LCLAT1: variants seen among roughly 807,000 people sequenced by gnomAD.
The protein encoded by LCLAT1 is 1-AGP acyltransferase 8.
Under a neutral mutation model 30.7 loss-of-function variants are expected in LCLAT1, and 11 were observed. The ratio of observed to expected loss-of-function variants is 0.36; its 90% CI spans 0.23 to 0.59. The LOEUF is 0.59. LCLAT1 is among the 20% of genes least tolerant of loss of function. The pLI, the probability that LCLAT1 is intolerant of heterozygous loss-of-function variation, is 0.77. For synonymous variants in LCLAT1, 155 were observed against 151.3 expected (o/e 1.02, Z -0.18); for missense variants, 402 against 458.6 (o/e 0.88, Z 1.13).
Position 30,641,854 on chromosome 2 carries a change from GTGT to G in LCLAT1, c.*1239_*1241del, listed in dbSNP as rs1669323028. The G allele has an allele frequency of 6.6e-6, 1 of 150,420 alleles. No individual in the cohort carries two copies. Among genetic ancestry groups the G allele is most frequent in the South Asian group, 2.1e-4 (1 of 4,764 alleles). The allele number at this position is 150,420 out of a possible 1,614,324, so 9.3% of individuals were successfully genotyped here. On this transcript the variant is annotated 3_prime_UTR_variant, in exon 6 of 6. Transcript: ENST00000379509. Reference sequence around the variant, plus strand: ...AGTCTTCTTCTGAGGCAAAAGAAAAGTGTTGTCATTTTCACTCTGTTGGAGCTG... The same window carrying G: ...AGTCTTCTTCTGAGGCAAAAGAAAAGTGTCATTTTCACTCTGTTGGAGCTG...
Position 30,456,184 on chromosome 2 carries a change from A to G in LCLAT1, c.-5+8801A>G, listed in dbSNP as rs567163885. Among the ~76,000 whole-genome samples the G allele has an allele frequency of 3.3e-5, 5 of 152,306 alleles. No individual in the cohort carries two copies. The South Asian group carries it at 8.3e-4, about 25-fold the overall frequency. Reference sequence around the variant, plus strand: ...ACACAAAGTGGGTGTCCTCATTACTACTGGGCAAGTGTGGGAGTGTCAGCC... The same window carrying G: ...ACACAAAGTGGGTGTCCTCATTACTGCTGGGCAAGTGTGGGAGTGTCAGCC... On this transcript the variant is annotated intron_variant, in intron 1 of 5. Coordinates refer to ENST00000379509, the MANE Select transcript of LCLAT1 (RefSeq NM_001002257.3).
chr2:30,500,716 T>G (rs909237614), intron 1 of LCLAT1, among the ~76,000 whole-genome samples: 1 of 152,210 alleles, frequency 6.6e-6, no homozygotes, highest in African/African-American at 2.4e-5. Context: ...TTAAATATTT[T>G]CATCATTTTG....
chr2:30,534,947 T>C (rs1572586456), intron 3 of LCLAT1, among the ~76,000 whole-genome samples: 1 of 152,156 alleles, frequency 6.6e-6, no homozygotes, highest in Non-Finnish European at 1.5e-5. Context: ...ACATGAGATA[T>C]ACTAACAGGA....
At chr2:30,525,105 G>GT (rs1685646035) in intron 1 of LCLAT1, among the ~76,000 whole-genome samples, 1 of 152,050 alleles carries the variant, frequency 6.6e-6, no homozygotes, top group Non-Finnish European at 1.5e-5. Context: ...TCTGTTGAGA[G>GT]TATCAGTTTC....
chr2:30,481,011 G>C (rs980374849), intron 1 of LCLAT1, among the ~76,000 whole-genome samples: 1 of 152,150 alleles, frequency 6.6e-6, no homozygotes, highest in Non-Finnish European at 1.5e-5. Context: ...GTCAGCCTTA[G>C]AGCTTGTTTA....
At chr2:30,507,921 G>A (rs2148353146) in intron 1 of LCLAT1, among the ~76,000 whole-genome samples, 1 of 152,246 alleles carries the variant, frequency 6.6e-6, no homozygotes, top group East Asian at 1.9e-4. Flanking sequence ...TAGCATATAA[G>A]CATTCATTTT....
chr2:30,540,719 C>G (rs896473635), intron 3 of LCLAT1, among the ~76,000 whole-genome samples: 2 of 151,000 alleles, frequency 1.3e-5, no homozygotes, highest in African/African-American at 2.4e-5. Flanking sequence ...GGCTAGAGTG[C>G]AATGGCACAA....
At chr2:30,627,261 G>T (rs886315487) in intron 5 of LCLAT1, among the ~76,000 whole-genome samples, 3 of 152,096 alleles carry the variant, frequency 2.0e-5, no homozygotes, top group African/African-American at 7.2e-5. Flanking sequence ...GTTCCCCATT[G>T]GTCGAGTACT....
intron 5 of LCLAT1, among the ~76,000 whole-genome samples, chr2:30,594,782 G>A (rs776799553): frequency 1.3e-5 from 2 of 152,080 alleles, no homozygotes; most frequent in African/African-American, 2.4e-5. Flanking sequence ...TACTTCTCTA[G>A]GAAACAACAA....
At chr2:30,457,694 G>T (rs1681901775) in intron 1 of LCLAT1, among the ~76,000 whole-genome samples, 1 of 152,148 alleles carries the variant, frequency 6.6e-6, no homozygotes, top group Non-Finnish European at 1.5e-5. Context: ...ATAGATAGAG[G>T]TGTTGATTTT....
chr2:30,471,542 T>A (rs1419207054), intron 1 of LCLAT1, among the ~76,000 whole-genome samples: 1 of 152,258 alleles, frequency 6.6e-6, no homozygotes, highest in Admixed American at 6.5e-5. Flanking sequence ...ACCTGGTATA[T>A]CCTTCCATAT....
chr2:30,613,780 CT>C (rs1407866397), intron 5 of LCLAT1, among the ~76,000 whole-genome samples: 1 of 62,194 alleles, frequency 1.6e-5, no homozygotes, highest in African/African-American at 8.4e-5. Flanking sequence ...AAGTGCTGTG[CT>C]TTTAGATATG....
intron 1 of LCLAT1, among the ~76,000 whole-genome samples, chr2:30,468,657 T>C (rs945956357): frequency 2.0e-5 from 3 of 152,192 alleles, no homozygotes; most frequent in African/African-American, 4.8e-5. Flanking sequence ...TTTTATCACC[T>C]CAAAGGAAAC....
chr2:30,506,384 C>G (rs1684660687), intron 1 of LCLAT1, among the ~76,000 whole-genome samples: 1 of 151,844 alleles, frequency 6.6e-6, no homozygotes, highest in Non-Finnish European at 1.5e-5. Context: ...TTTCTCAAAA[C>G]CGTACTATAA....
chr2:30,542,878 C>T (rs186394806), intron 3 of LCLAT1, among the ~76,000 whole-genome samples: 5 of 151,090 alleles, frequency 3.3e-5, no homozygotes, highest in African/African-American at 1.2e-4. Flanking sequence ...TTGTGGGTTC[C>T]ATAGGGTTTC....
chr2:30,464,558 A>G (rs1682324842), intron 1 of LCLAT1, among the ~76,000 whole-genome samples: 1 of 152,230 alleles, frequency 6.6e-6, no homozygotes, highest in African/African-American at 2.4e-5. Context: ...AAGAGAAAGA[A>G]CGCTCTGTTT....
At chr2:30,526,247 A>G (rs904350966) in intron 2 of LCLAT1, among the ~76,000 whole-genome samples, 1 of 151,848 alleles carries the variant, frequency 6.6e-6, no homozygotes, top group Non-Finnish European at 1.5e-5. Context: ...GACTACAATT[A>G]TATGTATGTT....
At chr2:30,534,770 T>C (rs1211487471) in intron 3 of LCLAT1, among the ~76,000 whole-genome samples, 1 of 152,156 alleles carries the variant, frequency 6.6e-6, no homozygotes, top group African/African-American at 2.4e-5. Flanking sequence ...TCCTATCATA[T>C]GTTATTGGTG....
intron 1 of LCLAT1, among the ~76,000 whole-genome samples, chr2:30,454,896 A>G (rs777574597): frequency 1.5e-4 from 23 of 152,240 alleles, no homozygotes; most frequent in Non-Finnish European, 3.1e-4. Flanking sequence ...GGAGTGCCAG[A>G]GTGACCTTAT....
Sources: allele counts gnomAD v4.1 joint callset (sites outside exome capture counted in the v4.1 genomes callset), GRCh38; gene constraint gnomAD v4.1.1; transcripts MANE v1.5; gene names NCBI Gene and HGNC (gene_info 2026-07-23, HGNC 2026-07-21).